HSDL2: variants seen among roughly 807,000 people sequenced by gnomAD.
HSDL2 encodes hydroxysteroid dehydrogenase-like protein 2.
In HSDL2, 27 loss-of-function variants were observed where a neutral mutation model predicts 46.3. The ratio of observed to expected loss-of-function variants is 0.58; its 90% CI spans 0.43 to 0.80. The LOEUF (loss-of-function observed/expected upper bound fraction) is 0.80. HSDL2 is among the 30% of genes least tolerant of loss of function. HSDL2 has a pLI of 0.00. For synonymous variants in HSDL2, 153 were observed against 163.6 expected (o/e 0.94, Z 0.50); for missense variants, 451 against 502.7 (o/e 0.90, Z 0.98).
chr9:112,391,274 TG>T (rs1268713020), intron 1 of HSDL2, among the ~76,000 whole-genome samples: 1 of 151,628 alleles, frequency 6.6e-6, no homozygotes, highest in Admixed American at 6.6e-5. Context: ...AAGATGAGCC[TG>T]GGCGACATAG....
chr9:112,456,355 T>C (rs1051429864), intron 9 of HSDL2, among the ~76,000 whole-genome samples: 3 of 152,164 alleles, frequency 2.0e-5, no homozygotes, highest in Non-Finnish European at 2.9e-5. Context: ...CCTTGATGAC[T>C]TCCCTGTCAC....
At chr9:112,410,972 A>C (rs1225243874) in intron 4 of HSDL2, among the ~76,000 whole-genome samples, 2 of 152,184 alleles carry the variant, frequency 1.3e-5, no homozygotes, top group African/African-American at 4.8e-5. Flanking sequence ...TAGAAGATTT[A>C]TACAAAAGTC....
intron 4 of HSDL2, among the ~76,000 whole-genome samples, chr9:112,416,431 TAAA>T (rs753094935): frequency 7.2e-6 from 1 of 138,644 alleles, no homozygotes; most frequent in Non-Finnish European, 1.6e-5. Flanking sequence ...GTCTTAAAAT[TAAA>T]AAAAAAAACA....
intron 6 of HSDL2, among the ~76,000 whole-genome samples, chr9:112,433,499 T>A (rs1057044962): frequency 1.3e-5 from 2 of 152,098 alleles, no homozygotes; most frequent in African/African-American, 2.4e-5. Flanking sequence ...AATAATAAAC[T>A]GGGGAAAATA....
chr9:112,414,586 C>T (rs1236756550), intron 4 of HSDL2, among the ~76,000 whole-genome samples: 3 of 128,114 alleles, frequency 2.3e-5, no homozygotes, highest in Non-Finnish European at 5.2e-5. Flanking sequence ...GGTCTTGTCC[C>T]ATAGATCAAA....
At chr9:112,413,944 C>A in intron 4 of HSDL2, 1 of 206,552 alleles carries the variant, frequency 4.8e-6, no homozygotes, top group South Asian at 6.5e-5. Flanking sequence ...GTATTTGTCC[C>A]GGTTGGCTAG....
chr9:112,431,947 T>C (rs1327762224), intron 6 of HSDL2, among the ~76,000 whole-genome samples: 1 of 150,230 alleles, frequency 6.7e-6, no homozygotes, highest in African/African-American at 2.5e-5. Flanking sequence ...TGGTGCGATC[T>C]CAGCTCACTG....
chr9:112,432,244 T>C (rs533167654), intron 6 of HSDL2, among the ~76,000 whole-genome samples: 1 of 152,314 alleles, frequency 6.6e-6, no homozygotes, highest in African/African-American at 2.4e-5. Flanking sequence ...TTGTGTCAGA[T>C]TATGCTGATA....
At chr9:112,429,264 G>A (rs1407088689) in intron 6 of HSDL2, among the ~76,000 whole-genome samples, 5 of 152,190 alleles carry the variant, frequency 3.3e-5, no homozygotes, top group African/African-American at 9.7e-5. Flanking sequence ...ACAGTTCTCT[G>A]CACTATTCAG....
intron 1 of HSDL2, among the ~76,000 whole-genome samples, chr9:112,382,136 C>G (rs1372945967): frequency 6.6e-6 from 1 of 152,186 alleles, no homozygotes; most frequent in African/African-American, 2.4e-5. Flanking sequence ...TAGCGGGCAC[C>G]TGTAATCCCA....
chr9:112,408,239 T>C (rs946216328), intron 3 of HSDL2, among the ~76,000 whole-genome samples: 2 of 152,114 alleles, frequency 1.3e-5, no homozygotes, highest in Non-Finnish European at 2.9e-5. Flanking sequence ...AGAAAGACTT[T>C]AAGGAATTTG....
chr9:112,436,960 CTTT>C (rs780957603), intron 6 of HSDL2, among the ~76,000 whole-genome samples: 1 of 126,782 alleles, frequency 7.9e-6, no homozygotes. Flanking sequence ...TTCTTTTTTT[CTTT>C]TTTTTTTTTT....
chr9:112,387,888 G>A (rs1311208079), intron 1 of HSDL2, among the ~76,000 whole-genome samples: 1 of 152,172 alleles, frequency 6.6e-6, no homozygotes, highest in African/African-American at 2.4e-5. Context: ...GCCAGGGGTG[G>A]TGGCTCATGC....
intron 1 of HSDL2, among the ~76,000 whole-genome samples, chr9:112,388,819 G>T (rs553069961): frequency 6.9e-6 from 1 of 144,662 alleles, no homozygotes; most frequent in East Asian, 2.4e-4. Context: ...TTTTCAAAAG[G>T]TCAATATCAT....
chr9:112,421,556 A>T (rs950267), intron 6 of HSDL2, among the ~76,000 whole-genome samples: 41,923 of 151,862 alleles, frequency 0.28, 5,960 homozygotes, highest in Middle Eastern at 0.39. Flanking sequence ...ATTACATTTA[A>T]AAAAAAATTT....
chr9:112,453,594 T>C (rs1468123053), intron 8 of HSDL2, among the ~76,000 whole-genome samples: 3 of 152,152 alleles, frequency 2.0e-5, no homozygotes, highest in Admixed American at 1.3e-4. Context: ...GGTTTCTCCA[T>C]GTTGCCCAGG....
chr9:112,416,968 G>T, intron 5 of HSDL2, 24 bp downstream of exon 5: 1 of 1,121,744 alleles, frequency 8.9e-7, no homozygotes, highest in Non-Finnish European at 1.3e-6. Flanking sequence ...GGTAGGGTGA[G>T]GGGATGGTTT....
intron 6 of HSDL2, among the ~76,000 whole-genome samples, chr9:112,428,195 T>C (rs1832296022): frequency 6.6e-6 from 1 of 152,228 alleles, no homozygotes; most frequent in South Asian, 2.1e-4. Context: ...AGGTAACTCT[T>C]AGGAATATTT....
At chr9:112,453,114 T>G (rs530767594) in intron 8 of HSDL2, among the ~76,000 whole-genome samples, 88 of 152,240 alleles carry the variant, frequency 5.8e-4, no homozygotes, top group African/African-American at 2.0e-3. Flanking sequence ...TTAAGAGCAT[T>G]TCTAACCCGT....
Sources: gnomAD v4.1 joint callset for allele counts (sites outside exome capture counted in the v4.1 genomes callset) on GRCh38, gnomAD v4.1.1 for gene constraint, MANE v1.5 for transcripts, NCBI Gene and HGNC (gene_info 2026-07-23, HGNC 2026-07-21) for gene names.